The following GDPD3 variants were observed in gnomAD, a reference collection of about 807,000 sequenced individuals.
GDPD3 encodes the protein glycerophosphodiester phosphodiesterase domain containing 3, also known as lysophospholipase D GDPD3.
In GDPD3, 40 loss-of-function variants were observed where a neutral mutation model predicts 43.7. The ratio of observed to expected loss-of-function variants is 0.91; its 90% CI spans 0.71 to 1.19. The LOEUF is 1.19. Among genes scored for constraint, GDPD3 ranks in the 50% most tolerant of loss-of-function variants. The pLI is 0.00. For missense variants in GDPD3, 363 were observed against 415.8 expected (o/e 0.87, Z 1.11); for synonymous variants, 145 against 162.9 (o/e 0.89, Z 0.84).
In GDPD3 at chr16:30,111,404, G is replaced by T; in HGVS notation, c.691C>A (p.Pro231Thr). 6.2e-7 allele frequency: 1 copy of T among 1,613,970 alleles called. No homozygotes were observed. The highest frequency in any genetic ancestry group is 8.5e-7 in the Non-Finnish European group (1 of 1,179,938). The change falls in exon 7 of 10, where the codon CCC becomes ACC. Residue 231 changes from proline to threonine, a missense_variant. Coordinates refer to ENST00000406256, the MANE Select transcript of GDPD3 (RefSeq NM_024307.3). ...CACTGGTACCTGTTGATGATGTTGG[G>T]CAGGAAGCAGAAGAAGAACTTCTCA... ...IPEKFFFCFL[P>T]NIINRTYFPF...
At chr16:30,111,659 G>A (rs2072900675) in intron 6 of GDPD3, 138 bp from the exon 7 acceptor site, 3 of 950,418 alleles carry the variant, frequency 3.2e-6, no homozygotes, top group South Asian at 3.1e-5. Context: ...GGGGCTGGGT[G>A]TGGTGGCTCA....
Position 30,112,694 on chromosome 16 carries a change from C to CGGG in GDPD3, c.281_282insCCC (p.Ser94_Gly95insPro). The CGGG allele has an allele frequency of 1.2e-6, 2 of 1,613,992 alleles. No homozygotes were observed. The highest frequency in any genetic ancestry group is 1.7e-6 in the Non-Finnish European group (2 of 1,180,008). ...GGCTGCCCACATCCCTGTTTAGGCC[C>CGGG]GACTGGCGGCACAGGTTCTCATCAT... On this transcript the variant is annotated inframe_insertion, in exon 3 of 10. Transcript: ENST00000406256. The surrounding 1 kb of genome is among the most constrained non-coding windows in gnomAD (Gnocchi z 5.4).
rs756311411 is a variant in GDPD3 at position 30,108,239 on chromosome 16, G to A, written c.793C>T (p.Arg265Ter). The A allele has an allele frequency of 5.6e-6, 9 of 1,608,682 alleles. No individual in the cohort carries two copies. Among genetic ancestry groups the A allele is most frequent in the South Asian group, 5.5e-5 (5 of 90,510 alleles). Residue 265 changes from arginine to a stop codon, truncating the protein, a stop_gained, in exon 9 of 10, where the codon CGA becomes TGA. Coordinates refer to ENST00000406256, the MANE Select transcript of GDPD3 (RefSeq NM_024307.3). LOFTEE classifies it high-confidence loss of function. ...TGCACCCCTCGCTCCTCCAAGTGTC[G>A]GATCAGACTCTTCCTCATGATCAGC... ...KWLIMRKSLI[R>*]HLEERGVQVV...
chr16:30,113,472 G>T lies in GDPD3; in HGVS notation c.7C>A (p.Leu3Ile). The T allele has an allele frequency of 6.3e-7, 1 of 1,575,560 alleles. No individual in the cohort carries two copies. Among genetic ancestry groups the T allele is most frequent in the Non-Finnish European group, 8.6e-7 (1 of 1,158,080 alleles). Residue 3 changes from leucine to isoleucine, a missense_variant, in exon 1 of 10, where the codon CTT becomes ATT. Coordinates refer to ENST00000406256, the MANE Select transcript of GDPD3 (RefSeq NM_024307.3). The surrounding 1 kb of genome is among the most constrained non-coding windows in gnomAD (Gnocchi z 5.9). MS[L>I]LLYYALPALG... ...GCAGGGAGGGCATAGTACAGCAAAA[G>T]GCTCATGACCGTACTCCCACAGAAG...
chr16:30,112,867 G>A lies in GDPD3; in HGVS notation c.183-74C>T, dbSNP rs1018784931. The A allele has an allele frequency of 1.3e-5, 21 of 1,556,856 alleles. No individual in the cohort carries two copies. The highest frequency in any genetic ancestry group is 2.2e-5 in the South Asian group (2 of 89,742). On this transcript the variant is annotated intron_variant, in intron 2 of 9. Transcript: ENST00000406256. This position sits in a 1 kb window ranked among gnomAD's most constrained non-coding sequence, Gnocchi z 5.4. ...GGGGCATGGTGGCTGGGAGGTGGCC[G>A]GGAATGTGAGAGCGGAGTTCGTGGC...
In GDPD3 at chr16:30,113,444, A is replaced by C. The variant is rs200959090; in HGVS notation, c.35T>G (p.Leu12Arg). 121 of 1,607,326 alleles carry C rather than the reference A, an allele frequency of 7.5e-5. No individual in the cohort carries two copies. The highest frequency in any genetic ancestry group is 1.0e-4 in the Non-Finnish European group (119 of 1,176,122). Residue 12 changes from leucine (L) to arginine (R), a missense_variant, in exon 1 of 10, where the codon CTG (leucine) becomes CGG (arginine). By Grantham distance (102) the Leu-to-Arg change is moderately radical. Coordinates refer to ENST00000406256, the MANE Select transcript of GDPD3 (RefSeq NM_024307.3). This position sits in a 1 kb window ranked among gnomAD's most constrained non-coding sequence, Gnocchi z 5.9. Reference sequence around the variant, plus strand: ...GATGGAGAGCATGGCATAGCTGCCCAGGGCAGGGAGGGCATAGTACAGCAA... The same window carrying C: ...GATGGAGAGCATGGCATAGCTGCCCCGGGCAGGGAGGGCATAGTACAGCAA... ...SLLLYYALPALGSYAMLSIFF... is the reference protein window; with the variant it reads ...SLLLYYALPARGSYAMLSIFF...
At position 30,113,096 on chromosome 16, in the gene GDPD3, C is replaced by G; in HGVS notation, c.140-32G>C. 6.2e-7 allele frequency: 1 copy of G among 1,601,026 alleles called. No individual in the cohort carries two copies. ...GGGGCACTGGAGTGGGCCTCTGGGG[C>G]TTGGGGTCTAGGGGCCTGGCCCAAC... On this transcript the variant is annotated intron_variant, in intron 1 of 9. Transcript: ENST00000406256. This position sits in a 1 kb window ranked among gnomAD's most constrained non-coding sequence, Gnocchi z 5.9.
Position 30,104,977 on chromosome 16 carries a change from A to C in GDPD3, c.852T>G (p.Asp284Glu). 1 of 1,612,340 alleles carries C rather than the reference A, an allele frequency of 6.2e-7. No homozygotes were observed. Among genetic ancestry groups the C allele is most frequent in the Non-Finnish European group, 8.5e-7 (1 of 1,179,558 alleles). Residue 284 changes from aspartate to glutamate, a missense_variant, in exon 10 of 10, where the codon GAT becomes GAG. Asp to Glu is a conservative substitution (Grantham distance 45). Transcript: ENST00000406256. ...CTCCCACGCTGAAGGCTGCTTCAAA[A>C]TCCGACTCTTCATTAAGGCACCAAA... Reference protein sequence around the residue: ...VVFWCLNEESDFEAAFSVGAT... With the variant: ...VVFWCLNEESEFEAAFSVGAT...
chr16:30,113,004 A>AG lies in GDPD3; in HGVS notation c.182+17dup, dbSNP rs1207683255. The AG allele has an allele frequency of 6.2e-7, 1 of 1,610,994 alleles. No individual in the cohort carries two copies. The highest frequency in any genetic ancestry group is 8.5e-7 in the Non-Finnish European group (1 of 1,177,714). On this transcript the variant is annotated intron_variant, in intron 2 of 9. Coordinates refer to ENST00000406256, the MANE Select transcript of GDPD3 (RefSeq NM_024307.3). This position sits in a 1 kb window ranked among gnomAD's most constrained non-coding sequence, Gnocchi z 5.9. ...CACACCCTCACATGGCAGCCTGGGC[A>AG]GGGGCAGATACACTCACTTCTCCAT... is the stretch of plus-strand genomic sequence containing the variant.
At chr16:30,110,642 T>C (rs1193839752) in intron 7 of GDPD3, 2 of 150,700 alleles carry the variant, frequency 1.3e-5, no homozygotes, top group African/African-American at 4.9e-5. Context: ...GAGACCAAGG[T>C]GGGAGGCTCG....
intron 7 of GDPD3, among the ~76,000 whole-genome samples, chr16:30,108,739 G>A (rs945739447): frequency 6.6e-5 from 10 of 152,290 alleles, no homozygotes; most frequent in African/African-American, 1.2e-4. Context: ...CCAGGGCCTC[G>A]CTTGGTTCCA....
chr16:30,112,814 G>C lies in GDPD3; in HGVS notation c.183-21C>G. Reference sequence around the variant, plus strand: ...TGGAGCTGTGGGGGTGAAGGTCAGCGGGGGGCAGGGGCAGGGGACTGGGAT... The same window carrying C: ...TGGAGCTGTGGGGGTGAAGGTCAGCCGGGGGCAGGGGCAGGGGACTGGGAT... On this transcript the variant is annotated intron_variant, in intron 2 of 9. Coordinates refer to ENST00000406256, the MANE Select transcript of GDPD3 (RefSeq NM_024307.3). This position sits in a 1 kb window ranked among gnomAD's most constrained non-coding sequence, Gnocchi z 5.4. The C allele has an allele frequency of 6.2e-7, 1 of 1,603,964 alleles. No individual in the cohort carries two copies. The highest frequency in any genetic ancestry group is 8.5e-7 in the Non-Finnish European group (1 of 1,178,810).
intron 7 of GDPD3, among the ~76,000 whole-genome samples, chr16:30,108,938 T>C (rs1334360323): frequency 1.3e-5 from 2 of 152,044 alleles, no homozygotes; most frequent in East Asian, 2.0e-4. Flanking sequence ...TTCACACCAT[T>C]CTCCTGCCTC....
Position 30,104,953 on chromosome 16 carries a change from T to TC in GDPD3, c.875dup (p.Ala293SerfsTer42). On this transcript the variant is annotated frameshift_variant, in exon 10 of 10. Transcript: ENST00000406256. LOFTEE classifies it high-confidence loss of function. ...GATAATCCGTTATGACGCCAGTGGC[T>TC]CCCACGCTGAAGGCTGCTTCAAAAT... is the stretch of plus-strand genomic sequence containing the variant. 1 of 1,612,810 alleles carries TC rather than the reference T, an allele frequency of 6.2e-7. No individual in the cohort carries two copies. Among genetic ancestry groups the TC allele is most frequent in the Admixed American group, 1.7e-5 (1 of 59,998 alleles).
chr16:30,112,046 G>C lies in GDPD3; in HGVS notation c.573+86C>G, dbSNP rs996990094. The C allele has an allele frequency of 3.8e-6, 4 of 1,047,330 alleles. No individual in the cohort carries two copies. In the East Asian group the frequency reaches 9.7e-5, roughly 25 times the overall value. The allele number at this position is 1,047,330 out of a possible 1,614,324, so 64.9% of individuals were successfully genotyped here. On this transcript the variant is annotated intron_variant, in intron 6 of 9. Transcript: ENST00000406256. The surrounding 1 kb of genome is among the most constrained non-coding windows in gnomAD (Gnocchi z 5.4). Reference sequence around the variant, plus strand: ...GAACTCTCCCAGACCCCTCTAGCTCGGGTCCCCATGCTGGGTGGGCTCCAG... The same window carrying C: ...GAACTCTCCCAGACCCCTCTAGCTCCGGTCCCCATGCTGGGTGGGCTCCAG...
Position 30,112,675 on chromosome 16 carries a change from C to G in GDPD3, c.301G>C (p.Gly101Arg), listed in dbSNP as rs1004708839. The G allele has an allele frequency of 2.5e-6, 4 of 1,613,926 alleles. No individual in the cohort carries two copies. In the African/African-American group the frequency reaches 5.3e-5, roughly 22 times the overall value. The change falls in exon 3 of 10, where the codon GGC becomes CGC. Residue 101 changes from glycine to arginine, a missense_variant. Transcript: ENST00000406256. The surrounding 1 kb of genome is among the most constrained non-coding windows in gnomAD (Gnocchi z 5.4). ...GGGCCCACCTCGAAGTCCAGGCTGC[C>G]CACATCCCTGTTTAGGCCCGACTGG... ...CRQSGLNRDV[G>R]SLDFEDLPLY...
At chr16:30,108,062 C>A in intron 9 of GDPD3, 151 bp downstream of exon 9, 3 of 602,702 alleles carry the variant, frequency 5.0e-6, no homozygotes, top group Admixed American at 3.0e-5. Context: ...TGTGTGTATC[C>A]AGAGAGTTAA....
Position 30,113,228 on chromosome 16 carries a change from C to T in GDPD3, c.139+112G>A. 1 of 1,439,380 alleles carries T rather than the reference C, an allele frequency of 6.9e-7. No individual in the cohort carries two copies. Among genetic ancestry groups the T allele is most frequent in the Non-Finnish European group, 9.5e-7 (1 of 1,058,134 alleles). The allele number at this position is 1,439,380 out of a possible 1,614,324, so 89.2% of individuals were successfully genotyped here. A position where few individuals can be genotyped will look rare whatever the true frequency, so the allele number is the denominator to read the frequency against. ...TCTTCCTCGTCCACACCCTGCCCTG[C>T]CACTTCGCTCTCCTTCTCTCTTGGT... On this transcript the variant is annotated intron_variant, in intron 1 of 9. Transcript: ENST00000406256. This position sits in a 1 kb window ranked among gnomAD's most constrained non-coding sequence, Gnocchi z 5.9.
chr16:30,106,701 TTTTATTTA>T (rs759534067), intron 9 of GDPD3, among the ~76,000 whole-genome samples: 4 of 151,982 alleles, frequency 2.6e-5, no homozygotes, highest in African/African-American at 4.8e-5. Context: ...CCAGTTAATA[TTTTATTTA>T]TTTATTTATT....
Sources: gnomAD v4.1 joint callset for allele counts (sites outside exome capture counted in the v4.1 genomes callset) on GRCh38, gnomAD v4.1.1 for gene constraint, Gnocchi (gnomAD v3.1) non-coding constraint, MANE v1.5 for transcripts, NCBI Gene and HGNC (gene_info 2026-07-23, HGNC 2026-07-21) for gene names.